CDYL: variants seen among roughly 807,000 people sequenced by gnomAD.
CDYL encodes the protein chromodomain Y like.
CDYL carries 8 observed loss-of-function variants against 47.3 expected under a neutral mutation model. The ratio of observed to expected loss-of-function variants is 0.17; its 90% CI spans 0.10 to 0.31. CDYL has a LOEUF of 0.31. Among genes scored for constraint, CDYL ranks in the 10% least tolerant of loss-of-function variants. The probability of loss-of-function intolerance (pLI) is 1.00; values close to 1 mark genes in which losing one functional copy is unlikely to be tolerated. For missense variants in CDYL, 471 were observed against 701.4 expected (o/e 0.67, Z 3.71); for synonymous variants, 266 against 265.0 (o/e 1.00, Z -0.04).
chr6:4,793,816 T>C (rs1758996274), intron 1 of CDYL, among the ~76,000 whole-genome samples: 1 of 151,978 alleles, frequency 6.6e-6, no homozygotes, highest in African/African-American at 2.4e-5. Flanking sequence ...TATGAGGGAA[T>C]GAGAAGGAAT....
intron 1 of CDYL, among the ~76,000 whole-genome samples, chr6:4,798,921 A>G (rs1423523804): frequency 6.6e-6 from 1 of 152,200 alleles, no homozygotes; most frequent in Non-Finnish European, 1.5e-5. Context: ...TACCTCATCT[A>G]AAATGTTGCG....
chr6:4,835,256 A>G (rs1581199662), intron 1 of CDYL, among the ~76,000 whole-genome samples: 1 of 152,078 alleles, frequency 6.6e-6, no homozygotes, highest in East Asian at 1.9e-4. Context: ...TTTGGTGTGG[A>G]TGTCCTTTCT....
upstream of CDYL, among the ~76,000 whole-genome samples, chr6:4,774,074 A>G (rs184696722): frequency 2.4e-4 from 36 of 152,328 alleles, no homozygotes; most frequent in Admixed American, 2.1e-3. Context: ...CAGTACCATT[A>G]CGCACATGGT....
intron 1 of CDYL, among the ~76,000 whole-genome samples, chr6:4,710,787 A>T (rs139629329): frequency 0.014 from 2,112 of 152,178 alleles, 24 homozygotes; most frequent in Non-Finnish European, 0.019. Flanking sequence ...CCTCCTCCTC[A>T]AAGCTTCCCA....
At chr6:4,806,481 A>G (rs1759373447) in intron 1 of CDYL, among the ~76,000 whole-genome samples, 3 of 152,368 alleles carry the variant, frequency 2.0e-5, no homozygotes, top group Admixed American at 2.0e-4. Flanking sequence ...AGTTGTAAAA[A>G]TGATACAGCA....
chr6:4,733,082 C>G (rs1405508508), intron 2 of CDYL: 3 of 152,292 alleles, frequency 2.0e-5, no homozygotes, highest in Non-Finnish European at 2.9e-5. Flanking sequence ...CCTCGCAGCT[C>G]TGGGTACAGA....
chr6:4,795,100 G>A (rs1759032983), intron 1 of CDYL, among the ~76,000 whole-genome samples: 1 of 151,352 alleles, frequency 6.6e-6, no homozygotes, highest in Non-Finnish European at 1.5e-5. Context: ...GAGTGGATCT[G>A]TAAAATTTTA....
intron 1 of CDYL, among the ~76,000 whole-genome samples, chr6:4,805,165 T>C (rs1759334811): frequency 6.6e-6 from 1 of 152,214 alleles, no homozygotes; most frequent in Non-Finnish European, 1.5e-5. Flanking sequence ...AGTCAGTGAA[T>C]TAGCTTTTTA....
intron 1 of CDYL, among the ~76,000 whole-genome samples, chr6:4,836,462 C>G (rs904624134): frequency 6.6e-6 from 1 of 152,066 alleles, no homozygotes; most frequent in African/African-American, 2.4e-5. Flanking sequence ...ATTGAGACTT[C>G]GGCTTTCCTT....
chr6:4,724,848 A>C (rs936221833), intron 2 of CDYL: 2 of 152,182 alleles, frequency 1.3e-5, no homozygotes, highest in African/African-American at 2.4e-5. Flanking sequence ...AAAAAAATAA[A>C]GCTTCCAAAC....
At chr6:4,814,839 A>G (rs775008537) in intron 1 of CDYL, among the ~76,000 whole-genome samples, 17 of 152,150 alleles carry the variant, frequency 1.1e-4, no homozygotes, top group Non-Finnish European at 2.2e-4. Flanking sequence ...TAGGATTGAG[A>G]ATAGATCCTA....
In CDYL at chr6:4,872,159, T is replaced by C. The variant is rs574542426; in HGVS notation, c.25-19554T>C. Among the ~76,000 whole-genome samples, 6 of 152,318 alleles carry C rather than the reference T, an allele frequency of 3.9e-5. No individual in the cohort carries two copies. In the South Asian group the frequency reaches 1.0e-3, roughly 26 times the overall value. On this transcript the variant is annotated intron_variant, in intron 1 of 6. Coordinates refer to ENST00000397588, the MANE Select transcript of CDYL (RefSeq NM_004824.4). ...ATTCCTCTGGTGGAAATACTCATTC[T>C]TGTTAGCAGAGGGCTTAGTTTTTCA...
chr6:4,919,958 A>G (rs1390673465), intron 2 of CDYL, among the ~76,000 whole-genome samples: 1 of 147,124 alleles, frequency 6.8e-6, no homozygotes, highest in African/African-American at 2.5e-5. Flanking sequence ...CCAAGTGTCT[A>G]TCATCAGCTG....
chr6:4,843,099 T>C (rs1024348341), intron 1 of CDYL, among the ~76,000 whole-genome samples: 1 of 152,206 alleles, frequency 6.6e-6, no homozygotes, highest in Non-Finnish European at 1.5e-5. Flanking sequence ...GGCTTATAAT[T>C]GTTTTGTTTA....
intron 1 of CDYL, among the ~76,000 whole-genome samples, chr6:4,812,128 T>C (rs991038646): frequency 1.8e-4 from 28 of 152,234 alleles, no homozygotes; most frequent in African/African-American, 6.5e-4. Context: ...ATACATGTTT[T>C]CTATAGTGAA....
intron 1 of CDYL, among the ~76,000 whole-genome samples, chr6:4,831,396 C>A (rs146833616): frequency 6.6e-6 from 1 of 151,920 alleles, no homozygotes; most frequent in Non-Finnish European, 1.5e-5. Flanking sequence ...TGTAGATATG[C>A]GGCATTATTT....
At chr6:4,715,754 A>T (rs1374968246) in exon 2 of CDYL, 1 of 1,613,424 alleles carries the variant, frequency 6.2e-7, no homozygotes, top group African/African-American at 1.3e-5. Context: ...GTCATCAGAG[A>T]ACACAGAGCC....
chr6:4,796,545 C>G (rs1759077213), intron 1 of CDYL, among the ~76,000 whole-genome samples: 1 of 152,036 alleles, frequency 6.6e-6, no homozygotes, highest in Non-Finnish European at 1.5e-5. Context: ...ATAGGTTTGC[C>G]AATAAATATT....
intron 2 of CDYL, among the ~76,000 whole-genome samples, chr6:4,932,629 C>T (rs72823942): frequency 4.1e-4 from 62 of 152,344 alleles, no homozygotes; most frequent in East Asian, 7.7e-4. Flanking sequence ...GGAGCTCTCA[C>T]TTGGCATTAC....
Sources: gnomAD v4.1 joint callset for allele counts (sites outside exome capture counted in the v4.1 genomes callset) on GRCh38, gnomAD v4.1.1 for gene constraint, MANE v1.5 for transcripts, NCBI Gene and HGNC (gene_info 2026-07-23, HGNC 2026-07-21) for gene names.